ASMTL: variants seen among roughly 807,000 people sequenced by gnomAD.
ASMTL encodes probable bifunctional dTTP/UTP pyrophosphatase/methyltransferase protein.
A neutral mutation model predicts 60.3 loss-of-function variants in ASMTL; 57 were observed. That is an observed-to-expected ratio of 0.95 (90% CI 0.76 to 1.18). The LOEUF is 1.18. ASMTL is among the 50% of genes most tolerant of loss of function. The probability of loss-of-function intolerance (pLI) is 0.00; values close to 1 mark genes in which losing one functional copy is unlikely to be tolerated. For missense variants in ASMTL, 981 were observed against 852.6 expected (o/e 1.15, Z -1.88); for synonymous variants, 419 against 373.0 (o/e 1.12, Z -1.42).
intron 10 of ASMTL, among the ~76,000 whole-genome samples, 200 bp from the exon 11 acceptor site, chrX:1,418,316 A>AGGG (rs1163347750): frequency 3.9e-5 from 6 of 152,130 alleles, no homozygotes; most frequent in Non-Finnish European, 7.4e-5. Context: ...ACAGACCTGC[A>AGGG]GGGAAATCCT....
chrX:1,425,779 G>A, intron 7 of ASMTL, 92 bp from the exon 8 acceptor site: 1 of 1,302,854 alleles, frequency 7.7e-7, no homozygotes, highest in Non-Finnish European at 1.1e-6. Flanking sequence ...AACGCTGTCG[G>A]AAGTATACAA....
rs1446060835 is a variant in ASMTL at position 1,417,401 on chromosome X, GAC to G, written c.1522+570_1522+571del. On this transcript the variant is annotated intron_variant, in intron 11 of 12. Coordinates refer to ENST00000381317, the MANE Select transcript of ASMTL (RefSeq NM_004192.4). ...CAACCACACACCACAGAGACTTGCA[GAC>G]ACGTGGACACACAGTCTCATGCACA... 1.0e-3 allele frequency among the ~76,000 whole-genome samples: 23 copies of G among 22,382 alleles called. No individual in the cohort carries two copies. The East Asian group carries it at 0.071, about 70-fold the overall frequency. 14.7% of individuals were successfully genotyped at this position (22,382 alleles called of 152,430 possible).
Position 1,428,100 on chromosome X carries a change from C to A in ASMTL, c.531G>T (p.Gly177=), listed in dbSNP as rs147986045. ...GEPMDKAGGY[G]IQALGGMLVE... is the part of the protein sequence containing the mutation. ...CCAGCATGCCGCCCAGGGCCTGGAT[C>A]CCGTAGCCGCCAGCTTTGTCCCTGG... Residue 177 remains glycine (G), a synonymous_variant, in exon 7 of 13, where the codon GGG becomes GGT. Coordinates refer to ENST00000381317, the MANE Select transcript of ASMTL (RefSeq NM_004192.4). The A allele has an allele frequency of 6.9e-3, 11,019 of 1,605,656 alleles. 659 individuals are homozygous for A. In the African/African-American group the frequency reaches 0.13, roughly 19 times the overall value.
chrX:1,421,923 T>A, intron 8 of ASMTL, 81 bp from the exon 9 acceptor site: 5 of 1,364,924 alleles, frequency 3.7e-6, no homozygotes, highest in Non-Finnish European at 5.2e-6. Context: ...ATCATTGAGA[T>A]GTTAAAATAA....
Position 1,418,985 on chromosome X carries a change from C to T in ASMTL, c.1375G>A (p.Gly459Arg). Residue 459 changes from glycine to arginine, a missense_variant, in exon 10 of 13, where the codon GGA becomes AGA. By Grantham distance (125) the Gly-to-Arg change is moderately radical. Coordinates refer to ENST00000381317, the MANE Select transcript of ASMTL (RefSeq NM_004192.4). ...CCCTGGCGGGGGGGCCACCCACCTC[C>T]CACGTCGCAGGCGGAGGAGAAGCGG... ...LSRFSSACDV[G>R]GCTGALAREL... The T allele has an allele frequency of 1.9e-6, 3 of 1,611,878 alleles. No homozygotes were observed. Among genetic ancestry groups the T allele is most frequent in the East Asian group, 2.2e-5 (1 of 44,884 alleles).
At position 1,443,372 on chromosome X, in the gene ASMTL, A is replaced by ACGCCG; in HGVS notation, c.94-1056_94-1055insCGGCG. Among the ~76,000 whole-genome samples, 159 of 43,750 alleles carry ACGCCG rather than the reference A, an allele frequency of 3.6e-3. 30 individuals carry two copies. Among genetic ancestry groups the ACGCCG allele is most frequent in the African/African-American group, 6.9e-3 (148 of 21,344 alleles). 28.7% of individuals were successfully genotyped at this position (43,750 alleles called of 152,430 possible). A position where few individuals can be genotyped will look rare whatever the true frequency, so the allele number is the denominator to read the frequency against. Reference sequence around the variant, plus strand: ...GACACCGCCATCTTGGACACACACCACCATCATGGACACACGCCGCCATCT... The same window carrying ACGCCG: ...GACACCGCCATCTTGGACACACACCACGCCGCCATCATGGACACACGCCGCCATCT... On this transcript the variant is annotated intron_variant, in intron 1 of 12. Coordinates refer to ENST00000381317, the MANE Select transcript of ASMTL (RefSeq NM_004192.4).
At chrX:1,418,645 A>G (rs1351979384) in intron 10 of ASMTL, among the ~76,000 whole-genome samples, 4 of 152,164 alleles carry the variant, frequency 2.6e-5, no homozygotes, top group East Asian at 1.9e-4. Context: ...GAATGTGTCT[A>G]CTGCTCCACC....
At chrX:1,432,780 G>C (rs2090836448) in intron 5 of ASMTL, among the ~76,000 whole-genome samples, 1 of 152,170 alleles carries the variant, frequency 6.6e-6, no homozygotes, top group South Asian at 2.1e-4. Context: ...AGTGAGCCGA[G>C]ATCGCGCCCC....
At chrX:1,420,499 A>G (rs2090454214) in intron 9 of ASMTL, among the ~76,000 whole-genome samples, 1 of 152,168 alleles carries the variant, frequency 6.6e-6, no homozygotes, top group East Asian at 1.9e-4. Flanking sequence ...CTGCCACAGA[A>G]GCTCGGCCAG....
At chrX:1,440,927 T>A (rs1231301159) in intron 2 of ASMTL, among the ~76,000 whole-genome samples, 2 of 152,174 alleles carry the variant, frequency 1.3e-5, no homozygotes, top group African/African-American at 4.8e-5. Flanking sequence ...GGATGTTAAT[T>A]CTATATCGTA....
chrX:1,431,576 ATATAG>A (rs1406318265), intron 6 of ASMTL, among the ~76,000 whole-genome samples: 8 of 142,638 alleles, frequency 5.6e-5, no homozygotes, highest in Admixed American at 1.5e-4. Flanking sequence ...TCTATATGTA[ATATAG>A]TATACATATT....
intron 1 of ASMTL, among the ~76,000 whole-genome samples, chrX:1,448,382 A>G (rs2091276535): frequency 3.6e-5 from 5 of 139,638 alleles, no homozygotes; most frequent in African/African-American, 5.5e-5. Context: ...GACAAGCACC[A>G]CCATCTTGGA....
At chrX:1,411,618 G>C (rs1350138167) in intron 12 of ASMTL, among the ~76,000 whole-genome samples, 3 of 28,646 alleles carry the variant, frequency 1.0e-4, no homozygotes, top group African/African-American at 6.7e-4. Context: ...ACACAGATTA[G>C]ATCCAGCTGC....
At chrX:1,417,174 A>G (rs1444836782) in intron 11 of ASMTL, among the ~76,000 whole-genome samples, 2 of 151,716 alleles carry the variant, frequency 1.3e-5, no homozygotes, top group South Asian at 2.1e-4. Context: ...CCACCGGCCC[A>G]CAGCATGCAC....
At chrX:1,432,233 C>T (rs771328186) in intron 6 of ASMTL, 36 bp downstream of exon 6, 6 of 1,535,732 alleles carry the variant, frequency 3.9e-6, no homozygotes, top group East Asian at 4.5e-5. Flanking sequence ...GGCTTCCACA[C>T]GTGTCCCCCG....
intron 3 of ASMTL, among the ~76,000 whole-genome samples, chrX:1,437,121 C>T (rs1206211533): frequency 3.3e-5 from 5 of 151,098 alleles, no homozygotes; most frequent in East Asian, 2.0e-4. Context: ...ATACCACAGA[C>T]TGGGTGGCTT....
At chrX:1,428,278 T>C (rs1230561566) in intron 6 of ASMTL, 157 bp from the exon 7 acceptor site, 1 of 473,464 alleles carries the variant, frequency 2.1e-6, no homozygotes, top group Non-Finnish European at 2.6e-6. Context: ...CTAAAAAAAA[T>C]ACAAAAAATT....
chrX:1,433,501 TA>T (rs35959333), intron 5 of ASMTL, among the ~76,000 whole-genome samples: 16,400 of 99,012 alleles, frequency 0.17, 1,015 homozygotes, highest in South Asian at 0.23. Flanking sequence ...CCGTCTCTAC[TA>T]AAAAAAAAAA....
chrX:1,420,178 CCTCCCTCTGTCTCTCAAGT>C (rs2090441305), intron 9 of ASMTL, among the ~76,000 whole-genome samples: 1 of 151,278 alleles, frequency 6.6e-6, no homozygotes, highest in African/African-American at 2.4e-5. Flanking sequence ...TCTGTCTCCG[CCTCCCTCTGTCTCTCAAGT>C]CTCCCTGTCT....
Sources: gnomAD v4.1 joint callset for allele counts (sites outside exome capture counted in the v4.1 genomes callset) on GRCh38, gnomAD v4.1.1 for gene constraint, MANE v1.5 for transcripts, NCBI Gene and HGNC (gene_info 2026-07-23, HGNC 2026-07-21) for gene names.